Variants in UACA observed in about 807,000 individuals in gnomAD.
UACA encodes the protein uveal autoantigen with coiled-coil domains and ankyrin repeats.
A neutral mutation model predicts 160.5 loss-of-function variants in UACA; 112 were observed. That is an observed-to-expected ratio of 0.70 (90% confidence interval 0.60 to 0.82). The LOEUF (loss-of-function observed/expected upper bound fraction) is 0.82, where lower values mean the gene tolerates loss of function less well. Among genes scored for constraint, UACA ranks in the 40% least tolerant of loss-of-function variants. The pLI is 0.00. For synonymous variants in UACA, 557 were observed against 568.4 expected (o/e 0.98, Z 0.29); for missense variants, 1,574 against 1,614.6 (o/e 0.97, Z 0.43).
chr15:70,655,744 A>T lies in UACA; in HGVS notation c.*1312T>A, dbSNP rs1478189186. On this transcript the variant is annotated 3_prime_UTR_variant, in exon 19 of 19. Coordinates refer to ENST00000322954, the MANE Select transcript of UACA (RefSeq NM_018003.4). Reference sequence around the variant, plus strand: ...GGCTTATTCTTTGGTATGAGAAGTCATTTTGATGGTATTTTTACCCTATTA... The same window carrying T: ...GGCTTATTCTTTGGTATGAGAAGTCTTTTTGATGGTATTTTTACCCTATTA... The T allele has an allele frequency of 6.6e-6, 1 of 152,208 alleles. No individual in the cohort carries two copies. The highest frequency in any genetic ancestry group is 2.4e-5 in the African/African-American group (1 of 41,458). 9.4% of individuals were successfully genotyped at this position (152,208 alleles called of 1,614,324 possible). A position where few individuals can be genotyped will look rare whatever the true frequency, so the allele number is the denominator to read the frequency against.
chr15:70,655,930 A>C lies in UACA; in HGVS notation c.*1126T>G, dbSNP rs949943559. 5 of 152,244 alleles carry C rather than the reference A, an allele frequency of 3.3e-5. No individual in the cohort carries two copies. The highest frequency in any genetic ancestry group is 9.6e-5 in the African/African-American group (4 of 41,476). 9.4% of individuals were successfully genotyped at this position (152,244 alleles called of 1,614,324 possible). ...ACTCTGAATGGTAAATAAAATGTTA[A>C]TAAAAAATAACAAGACATATAAACT... On this transcript the variant is annotated 3_prime_UTR_variant, in exon 19 of 19. Coordinates refer to ENST00000322954, the MANE Select transcript of UACA (RefSeq NM_018003.4).
chr15:70,756,153 T>C lies in UACA; in HGVS notation c.78+7177A>G, dbSNP rs564369266. Among the ~76,000 whole-genome samples the C allele has an allele frequency of 1.0e-3, 155 of 151,274 alleles. 1 individual carries two copies. Among genetic ancestry groups the C allele is most frequent in the African/African-American group, 3.8e-3 (155 of 40,778 alleles). On this transcript the variant is annotated intron_variant, in intron 1 of 18. Transcript: ENST00000322954. ...ACAGTATCACAAAAGTGAATAAGCA[T>C]CATGAACCACCCAGCCGCAATTTTT...
rs1040948848 is a variant in UACA at position 70,654,943 on chromosome 15, T to C, written c.*2113A>G. 2.6e-5 allele frequency: 4 copies of C among 152,230 alleles called. No individual in the cohort carries two copies. Among genetic ancestry groups the C allele is most frequent in the African/African-American group, 9.6e-5 (4 of 41,466 alleles). 9.4% of individuals were successfully genotyped at this position (152,230 alleles called of 1,614,324 possible). A position where few individuals can be genotyped will look rare whatever the true frequency, so the allele number is the denominator to read the frequency against. ...CAAAAGGTGAGTGAATGAGACAAGA[T>C]TAGTTGAAGGAAGTACTTGATATTT... On this transcript the variant is annotated 3_prime_UTR_variant, in exon 19 of 19. Coordinates refer to ENST00000322954, the MANE Select transcript of UACA (RefSeq NM_018003.4).
Position 70,763,437 on chromosome 15 carries a change from C to T in UACA, c.-30G>A, listed in dbSNP as rs945044019. ...AACTCTTGCCTGGCCCCCGCGCGAA[C>T]CTTAAAGGCTGCGGAGTGCCAGCGC... On this transcript the variant is annotated 5_prime_UTR_variant, in exon 1 of 19. Coordinates refer to ENST00000322954, the MANE Select transcript of UACA (RefSeq NM_018003.4). 7.8e-7 allele frequency: 1 copy of T among 1,287,696 alleles called. No individual in the cohort carries two copies. Among genetic ancestry groups the T allele is most frequent in the Admixed American group, 4.2e-5 (1 of 23,792 alleles). The allele number at this position is 1,287,696 out of a possible 1,614,324, so 79.8% of individuals were successfully genotyped here.
At chr15:70,741,715 C>T (rs1425044499) in intron 1 of UACA, among the ~76,000 whole-genome samples, 1 of 152,086 alleles carries the variant, frequency 6.6e-6, no homozygotes, top group African/African-American at 2.4e-5. Flanking sequence ...GTGATTAAAA[C>T]GTTAGTTTTA....
rs1403507344 is a variant in UACA at position 70,655,644 on chromosome 15, T to C, written c.*1412A>G. On this transcript the variant is annotated 3_prime_UTR_variant, in exon 19 of 19. Transcript: ENST00000322954. ...TAATTAAAGAGACAGATATTGCTTA[T>C]GTAAACCGTATAAAGAATTAAAAAC... The C allele has an allele frequency of 6.6e-6, 1 of 152,232 alleles. No homozygotes were observed. Among genetic ancestry groups the C allele is most frequent in the Non-Finnish European group, 1.5e-5 (1 of 68,038 alleles). 9.4% of individuals were successfully genotyped at this position (152,232 alleles called of 1,614,324 possible). A position where few individuals can be genotyped will look rare whatever the true frequency, so the allele number is the denominator to read the frequency against.
Position 70,691,326 on chromosome 15 carries a change from A to T in UACA, c.339T>A (p.His113Gln). The T allele has an allele frequency of 6.2e-7, 1 of 1,609,758 alleles. No homozygotes were observed. The highest frequency in any genetic ancestry group is 1.3e-5 in the African/African-American group (1 of 74,926). The part of the protein sequence containing the change: ...NALHLAAKYG[H>Q]ALCLQKLLQY... ...GTAGAAGTTTTTGTAGGCACAATGC[A>T]TGTCCATACTTAGCAGCCAGGTGAA... is the stretch of plus-strand genomic sequence containing the variant. Residue 113 changes from histidine to glutamine, a missense_variant, in exon 4 of 19, where the codon CAT becomes CAA. Physicochemically the swap from His to Gln is conservative, Grantham distance 24. Coordinates refer to ENST00000322954, the MANE Select transcript of UACA (RefSeq NM_018003.4).
At chr15:70,682,272 TGAA>T (rs540975275) in intron 9 of UACA, among the ~76,000 whole-genome samples, 1 of 152,168 alleles carries the variant, frequency 6.6e-6, no homozygotes, top group Non-Finnish European at 1.5e-5. Context: ...AAAAAAAGAC[TGAA>T]GAAGAAATAA....
At position 70,667,487 on chromosome 15, in the gene UACA, T is replaced by C. The variant is rs1896961456; in HGVS notation, c.3197A>G (p.Asp1066Gly). The C allele has an allele frequency of 3.7e-6, 6 of 1,611,454 alleles. No individual in the cohort carries two copies. In the South Asian group the frequency reaches 6.6e-5, roughly 18 times the overall value. ...EMERALSRKT[D>G]ELNKQLKDLS... ...GTCTTTTAACTGTTTGTTTAGCTCG[T>C]CTGTTTTTCTGCTTAATGCTCTTTC... The change falls in exon 16 of 19, where the codon GAC (aspartate) becomes GGC (glycine). Residue 1066 changes from aspartate to glycine, a missense_variant. Asp to Gly is a moderately conservative substitution (Grantham distance 94). Coordinates refer to ENST00000322954, the MANE Select transcript of UACA (RefSeq NM_018003.4).
chr15:70,703,274 T>C lies in UACA; in HGVS notation c.79-3614A>G, dbSNP rs547211322. The stretch of plus-strand genomic sequence containing the variant: ...AAAAGACACATTTGTGAAAATTGTT[T>C]CATGGGAATGCAAAACATTCCAACA... On this transcript the variant is annotated intron_variant, in intron 1 of 18. Coordinates refer to ENST00000322954, the MANE Select transcript of UACA (RefSeq NM_018003.4). The C allele has an allele frequency of 1.1e-5, 14 of 1,286,982 alleles. No individual in the cohort carries two copies. The African/African-American group carries it at 2.0e-4, about 18-fold the overall frequency. The allele number at this position is 1,286,982 out of a possible 1,614,324, so 79.7% of individuals were successfully genotyped here.
chr15:70,691,488 T>A, intron 3 of UACA, 125 bp from the exon 4 acceptor site: 1 of 619,368 alleles, frequency 1.6e-6, no homozygotes, highest in South Asian at 2.7e-5. Flanking sequence ...TAAGTATACT[T>A]TCAGTTTCCA....
Position 70,667,656 on chromosome 15 carries a change from A to C in UACA, c.3028T>G (p.Ser1010Ala), listed in dbSNP as rs748967422. The change falls in exon 16 of 19, where the codon TCA (serine) becomes GCA (alanine). Residue 1010 changes from serine (S) to alanine (A), a missense_variant. Transcript: ENST00000322954. ...ATEKELKDQL[S>A]EQTQKYSVSE... ...ACACTATACTTTTGTGTCTGCTCTGATAACTGGTCTTTTAGTTCTTTCTCT... is the reference window on the plus strand; with the variant it reads ...ACACTATACTTTTGTGTCTGCTCTGCTAACTGGTCTTTTAGTTCTTTCTCT... 5.0e-6 allele frequency: 8 copies of C among 1,613,090 alleles called. No individual in the cohort carries two copies. In the African/African-American group the frequency reaches 1.1e-4, roughly 22 times the overall value.
intron 1 of UACA, among the ~76,000 whole-genome samples, chr15:70,721,876 A>G (rs1218169174): frequency 1.3e-5 from 2 of 152,200 alleles, no homozygotes; most frequent in African/African-American, 4.8e-5. Context: ...ACAAGGGTAC[A>G]GATTATCTGG....
intron 1 of UACA, among the ~76,000 whole-genome samples, chr15:70,761,529 A>T (rs1209418862): frequency 6.6e-6 from 1 of 152,160 alleles, no homozygotes; most frequent in East Asian, 1.9e-4. Context: ...TTATTCTATC[A>T]ATGCTTGGTT....
At chr15:70,713,274 G>A (rs1000132369) in intron 1 of UACA, among the ~76,000 whole-genome samples, 2 of 152,202 alleles carry the variant, frequency 1.3e-5, no homozygotes, top group African/African-American at 2.4e-5. Flanking sequence ...CGCGAACCCA[G>A]GAGGCAGAGC....
the UACA span, among the ~76,000 whole-genome samples, chr15:70,773,549 G>C: frequency 6.6e-6 from 1 of 152,172 alleles, no homozygotes; most frequent in Non-Finnish European, 1.5e-5. Context: ...TGAGGACAAA[G>C]GGGATTTGAT....
At chr15:70,700,318 T>TATATATATATATATATACACAC (rs565377949) in intron 1 of UACA, among the ~76,000 whole-genome samples, 2 of 139,762 alleles carry the variant, frequency 1.4e-5, no homozygotes, top group African/African-American at 5.8e-5. Flanking sequence ...TATATATATA[T>TATATATATATATATATACACAC]ACACACACAC....
chr15:70,678,893 A>C (rs1231828734), intron 10 of UACA, among the ~76,000 whole-genome samples: 1 of 152,230 alleles, frequency 6.6e-6, no homozygotes, highest in East Asian at 1.9e-4. Context: ...GATTTAATTT[A>C]CATTAATGAT....
At chr15:70,672,369 C>T (rs895042950) in intron 13 of UACA, among the ~76,000 whole-genome samples, 1 of 152,162 alleles carries the variant, frequency 6.6e-6, no homozygotes, top group Non-Finnish European at 1.5e-5. Context: ...GTCAATAACT[C>T]ATTTTACTTT....
Sources: gnomAD v4.1 joint callset for allele counts (sites outside exome capture counted in the v4.1 genomes callset) on GRCh38, gnomAD v4.1.1 for gene constraint, MANE v1.5 for transcripts, NCBI Gene and HGNC (gene_info 2026-07-23, HGNC 2026-07-21) for gene names.